Variants in NUB1 observed in about 807,000 individuals in gnomAD.
NUB1 encodes NEDD8 ultimate buster 1.
NUB1 carries 41 observed loss-of-function variants against 77.1 expected under a neutral mutation model. That is an observed-to-expected ratio of 0.53 (90% CI 0.41 to 0.69). The LOEUF is 0.69. NUB1 is among the 30% of genes least tolerant of loss of function. The probability of loss-of-function intolerance (pLI) is 0.00; values close to 1 mark genes in which losing one functional copy is unlikely to be tolerated. For missense variants in NUB1, 643 were observed against 743.8 expected (o/e 0.86, Z 1.58); for synonymous variants, 257 against 281.0 (o/e 0.91, Z 0.85).
At chr7:151,362,138 C>G (rs1043773369) in intron 8 of NUB1, among the ~76,000 whole-genome samples, 35 of 152,096 alleles carry the variant, frequency 2.3e-4, no homozygotes, top group African/African-American at 8.5e-4. Context: ...CCATTGAATA[C>G]AAATTTGGCT....
At chr7:151,370,812 C>A (rs182546942) in intron 11 of NUB1, among the ~76,000 whole-genome samples, 2 of 150,802 alleles carry the variant, frequency 1.3e-5, no homozygotes, top group Admixed American at 1.3e-4. Context: ...TTTGTTCTTG[C>A]GATAGTTTAC....
intron 11 of NUB1, among the ~76,000 whole-genome samples, chr7:151,370,604 A>G (rs1385988697): frequency 6.6e-6 from 1 of 152,030 alleles, no homozygotes; most frequent in African/African-American, 2.4e-5. Flanking sequence ...CAGGTTAGTT[A>G]CATATGTATA....
intron 8 of NUB1, among the ~76,000 whole-genome samples, chr7:151,363,312 A>G (rs372248808): frequency 7.2e-5 from 11 of 152,332 alleles, no homozygotes; most frequent in African/African-American, 2.6e-4. Flanking sequence ...CCCACATTAG[A>G]ATGTAAGAGA....
At chr7:151,345,282 G>A (rs1266001915) in intron 1 of NUB1, 66 bp from the exon 2 acceptor site, 1 of 991,112 alleles carries the variant, frequency 1.0e-6, no homozygotes, top group African/African-American at 1.6e-5. Flanking sequence ...ACCTTAACAT[G>A]TAGGTAAGTT....
chr7:151,351,260 C>A, intron 3 of NUB1, 164 bp from the exon 4 acceptor site: 1 of 631,918 alleles, frequency 1.6e-6, no homozygotes, highest in Admixed American at 2.9e-5. Context: ...ACAGGGTCAG[C>A]CTGTGCTGGG....
At chr7:151,362,289 G>C (rs2150691034) in intron 8 of NUB1, among the ~76,000 whole-genome samples, 1 of 152,084 alleles carries the variant, frequency 6.6e-6, no homozygotes, top group African/African-American at 2.4e-5. Context: ...ATTTATCCTG[G>C]CCAACTTGTT....
chr7:151,368,899 C>T lies in NUB1; in HGVS notation c.1248+12C>T, dbSNP rs1453421483. The T allele has an allele frequency of 1.2e-6, 2 of 1,608,692 alleles. No individual in the cohort carries two copies. The highest frequency in any genetic ancestry group is 3.4e-5 in the Admixed American group (2 of 59,094). ...CCAACCGCAGAGAGGTACCCACTTT[C>T]ACATGCCCTAGCTCTCTTGGGTATG... On this transcript the variant is annotated intron_variant, in intron 11 of 14. Coordinates refer to ENST00000568733, the MANE Select transcript of NUB1 (RefSeq NM_001243351.2).
At position 151,355,869 on chromosome 7, in the gene NUB1, G is replaced by C. The variant is rs1391356081; in HGVS notation, c.517G>C (p.Glu173Gln). The C allele has an allele frequency of 3.1e-6, 5 of 1,613,716 alleles. No individual in the cohort carries two copies. Among genetic ancestry groups the C allele is most frequent in the Middle Eastern group, 3.3e-4 (2 of 6,062 alleles). The change falls in exon 6 of 15, where the codon GAA (glutamate) becomes CAA (glutamine). Residue 173 changes from glutamate (E) to glutamine (Q), a missense_variant. By Grantham distance (29) the Glu-to-Gln change is conservative. Transcript: ENST00000568733. ...EDARKNFQLE[E>Q]EEQNEAKLKE... ...CGCGAGGAAAAACTTCCAGTTAGAG[G>C]AAGAGGAGCAAAATGAGGCCAAACT...
At position 151,376,761 on chromosome 7, in the gene NUB1, C is replaced by G. The variant is rs781573213; in HGVS notation, c.1619C>G (p.Ser540Trp). 6.9e-6 allele frequency: 11 copies of G among 1,595,410 alleles called. No homozygotes were observed. Among genetic ancestry groups the G allele is most frequent in the Non-Finnish European group, 9.4e-6 (11 of 1,172,034 alleles). The change falls in exon 14 of 15, where the codon TCG becomes TGG. Residue 540 changes from serine to tryptophan, a missense_variant. Coordinates refer to ENST00000568733, the MANE Select transcript of NUB1 (RefSeq NM_001243351.2). ...GGSLPPELPL[S>W]PEDSLSPPAT... is the part of the protein sequence containing the mutation. ...AGCCTGCCTCCCGAGCTGCCGCTGTCGCCAGAAGACTCTTTGTCCCCGCCA... is the reference window on the plus strand; with the variant it reads ...AGCCTGCCTCCCGAGCTGCCGCTGTGGCCAGAAGACTCTTTGTCCCCGCCA...
In NUB1 at chr7:151,355,966, G is replaced by C. The variant is rs762695389; in HGVS notation, c.598+16G>C. On this transcript the variant is annotated intron_variant, in intron 6 of 14. Coordinates refer to ENST00000568733, the MANE Select transcript of NUB1 (RefSeq NM_001243351.2). ...GCAAAGAGAGGTACCCAGAGCTCTG[G>C]GCTTGTCACCCACTCAGCTGCTTGG... The C allele has an allele frequency of 6.2e-7, 1 of 1,612,112 alleles. No individual in the cohort carries two copies. Among genetic ancestry groups the C allele is most frequent in the Non-Finnish European group, 8.5e-7 (1 of 1,178,670 alleles).
Position 151,345,334 on chromosome 7 carries a change from T to A in NUB1, c.-2-14T>A. On this transcript the variant is annotated splice_polypyrimidine_tract_variant and intron_variant, in intron 1 of 14. Coordinates refer to ENST00000568733, the MANE Select transcript of NUB1 (RefSeq NM_001243351.2). ...GCGATGTGGAGTTTTATTAATGTAT[T>A]GTTTTGCTTTCAGGGATGGCACAAA... 6.7e-7 allele frequency: 1 copy of A among 1,501,884 alleles called. No homozygotes were observed. Among genetic ancestry groups the A allele is most frequent in the Non-Finnish European group, 9.2e-7 (1 of 1,081,752 alleles). The allele number at this position is 1,501,884 out of a possible 1,614,324, so 93.0% of individuals were successfully genotyped here.
chr7:151,357,681 C>T (rs954386311), intron 7 of NUB1, among the ~76,000 whole-genome samples: 2 of 151,024 alleles, frequency 1.3e-5, no homozygotes, highest in African/African-American at 4.9e-5. Context: ...GCGATCTCAG[C>T]TCACTGCAGC....
chr7:151,376,535 G>A (rs1798265534), intron 13 of NUB1, 99 bp from the exon 14 acceptor site: 1 of 1,156,446 alleles, frequency 8.6e-7, no homozygotes, highest in Non-Finnish European at 1.2e-6. Context: ...CACGCCGGGA[G>A]CTCTTAAACA....
chr7:151,342,015 G>C, intron 1 of NUB1, 169 bp downstream of exon 1: 3 of 1,233,992 alleles, frequency 2.4e-6, no homozygotes, highest in Non-Finnish European at 3.1e-6. Context: ...GGGGCCGGGA[G>C]CGGTGGGCCG....
intron 10 of NUB1, 89 bp from the exon 11 acceptor site, chr7:151,368,645 GA>G (rs1472658507): frequency 1.4e-6 from 2 of 1,402,096 alleles, no homozygotes; most frequent in Non-Finnish European, 1.9e-6. Flanking sequence ...ATTCACATTG[GA>G]TACAATCTAA....
In NUB1 at chr7:151,349,212, A is replaced by T. The variant is rs757137843; in HGVS notation, c.257A>T (p.Glu86Val). ...AGAACAACGGGAATTGCTACAATCG[A>T]GGTGTTTTTACCACCAAGACTAAAA... ...NYRTTGIATI[E>V]VFLPPRLKKD... Residue 86 changes from glutamate to valine, a missense_variant, in exon 3 of 15, where the codon GAG (glutamate) becomes GTG (valine). Physicochemically the swap from Glu to Val is moderately radical, Grantham distance 121. Transcript: ENST00000568733. The T allele has an allele frequency of 6.2e-7, 1 of 1,612,010 alleles. No individual in the cohort carries two copies. The highest frequency in any genetic ancestry group is 1.1e-5 in the South Asian group (1 of 90,820).
rs1387648727 is a variant in NUB1 at position 151,375,887 on chromosome 7, T to C, written c.1435T>C (p.Ser479Pro). Residue 479 changes from serine (S) to proline (P), a missense_variant, in exon 13 of 15, where the codon TCC becomes CCC. Physicochemically the swap from Ser to Pro is moderately conservative, Grantham distance 74. Coordinates refer to ENST00000568733, the MANE Select transcript of NUB1 (RefSeq NM_001243351.2). ...SNPQMWWLND[S>P]NPETDNRQES... ...TCCTCAGATGTGGTGGTTAAATGAT[T>C]CCAATCCTGAAACCGACAACCGTCA... The C allele has an allele frequency of 1.2e-6, 2 of 1,613,270 alleles. No individual in the cohort carries two copies. The highest frequency in any genetic ancestry group is 1.7e-6 in the Non-Finnish European group (2 of 1,179,354).
Position 151,356,200 on chromosome 7 carries a change from G to A in NUB1, c.671G>A (p.Arg224Lys). Residue 224 changes from arginine (R) to lysine (K), a missense_variant, in exon 7 of 15, where the codon AGA becomes AAA. Physicochemically the swap from Arg to Lys is conservative, Grantham distance 26 (BLOSUM62 2). Transcript: ENST00000568733. Reference protein sequence around the residue: ...DIANQTGRSIRIPPSERKALM... With the variant: ...DIANQTGRSIKIPPSERKALM... The stretch of plus-strand genomic sequence containing the variant: ...GCTAACCAGACAGGCAGATCAATCA[G>A]AATTCCCCCATCAGAAAGAAAAGTA... The A allele has an allele frequency of 5.0e-6, 8 of 1,613,048 alleles. No individual in the cohort carries two copies. Among genetic ancestry groups the A allele is most frequent in the Non-Finnish European group, 6.8e-6 (8 of 1,179,044 alleles).
intron 8 of NUB1, among the ~76,000 whole-genome samples, chr7:151,365,636 C>T (rs576590123): frequency 1.3e-5 from 2 of 152,190 alleles, no homozygotes; most frequent in Non-Finnish European, 2.9e-5. Flanking sequence ...AAGGCAGGTT[C>T]TCAGGCTGAG....
Sources: allele counts gnomAD v4.1 joint callset (sites outside exome capture counted in the v4.1 genomes callset), GRCh38; gene constraint gnomAD v4.1.1; transcripts MANE v1.5; gene names NCBI Gene and HGNC (gene_info 2026-07-23, HGNC 2026-07-21).